Variants in DENND5A observed in about 807,000 individuals in gnomAD.
The protein encoded by DENND5A is DENN domain containing 5A, also known as DENN domain-containing protein 5A.
DENND5A carries 64 observed loss-of-function variants against 140.3 expected under a neutral mutation model. The observed-to-expected ratio is 0.46, with a 90% CI of 0.37 to 0.56. The LOEUF is 0.56. DENND5A is among the 20% of genes least tolerant of loss of function. The pLI is 0.00. For missense variants in DENND5A, 1,292 were observed against 1,593.8 expected (o/e 0.81, Z 3.22); for synonymous variants, 605 against 607.7 (o/e 1.00, Z 0.07).
At chr11:9,253,668 C>A (rs1367873742) in intron 1 of DENND5A, among the ~76,000 whole-genome samples, 1 of 151,978 alleles carries the variant, frequency 6.6e-6, no homozygotes, top group Non-Finnish European at 1.5e-5. Flanking sequence ...TTTGGGAGGC[C>A]GAGGTGGGCA....
chr11:9,221,806 G>A (rs1199394409), intron 1 of DENND5A, among the ~76,000 whole-genome samples: 10 of 151,998 alleles, frequency 6.6e-5, no homozygotes, highest in Admixed American at 1.3e-4. Flanking sequence ...CACCCAGGCC[G>A]GAGTACAGTG....
chr11:9,200,851 C>T (rs966429309), intron 4 of DENND5A, among the ~76,000 whole-genome samples: 1 of 152,178 alleles, frequency 6.6e-6, no homozygotes, highest in Non-Finnish European at 1.5e-5. Flanking sequence ...CCAGAGTGAT[C>T]CTGTTAAAAG....
intron 5 of DENND5A, among the ~76,000 whole-genome samples, chr11:9,190,783 A>G (rs766855485): frequency 1.3e-5 from 2 of 152,176 alleles, no homozygotes; most frequent in African/African-American, 2.4e-5. Flanking sequence ...AGGTAATTTT[A>G]ATTTTATTGT....
chr11:9,165,511 C>T (rs1848160058), intron 11 of DENND5A, among the ~76,000 whole-genome samples: 1 of 152,016 alleles, frequency 6.6e-6, no homozygotes, highest in Non-Finnish European at 1.5e-5. Context: ...GCCATCATAG[C>T]TCACTGTAGC....
rs1850503523 is a variant in DENND5A at position 9,225,716 on chromosome 11, C to T, written c.110-18084G>A. ...GGTGGAAGTTACAGTGAACCAAGATCACGCCACTCTACTCCAGCCTGGGCA... is the reference window on the plus strand; with the variant it reads ...GGTGGAAGTTACAGTGAACCAAGATTACGCCACTCTACTCCAGCCTGGGCA... On this transcript the variant is annotated intron_variant, in intron 1 of 22. Coordinates refer to ENST00000328194, the MANE Select transcript of DENND5A (RefSeq NM_015213.4). Among the ~76,000 whole-genome samples, 4 of 152,132 alleles carry T rather than the reference C, an allele frequency of 2.6e-5. No homozygotes were observed. The South Asian group carries it at 8.3e-4, about 32-fold the overall frequency.
chr11:9,221,546 A>G (rs1457757475), intron 1 of DENND5A, among the ~76,000 whole-genome samples: 1 of 151,898 alleles, frequency 6.6e-6, no homozygotes, highest in East Asian at 1.9e-4. Context: ...TTGTATTTTT[A>G]GTAGAGATGG....
chr11:9,177,884 C>T (rs1848598097), intron 8 of DENND5A: 2 of 406,190 alleles, frequency 4.9e-6, no homozygotes, highest in Non-Finnish European at 8.8e-6. Context: ...AAAAAGAACC[C>T]CCTATTTGTT....
At chr11:9,166,959 G>C (rs933360777) in intron 10 of DENND5A, among the ~76,000 whole-genome samples, 3 of 151,948 alleles carry the variant, frequency 2.0e-5, no homozygotes, top group African/African-American at 7.3e-5. Context: ...CCCCCACCAA[G>C]CTGAGAAGAA....
chr11:9,180,113 GT>G (rs1304313719), intron 6 of DENND5A, among the ~76,000 whole-genome samples: 3 of 152,072 alleles, frequency 2.0e-5, no homozygotes, highest in Non-Finnish European at 4.4e-5. Context: ...TATAAAACCT[GT>G]TCTATCTGCC....
rs564455776 is a variant in DENND5A at position 9,154,056 on chromosome 11, T to A, written c.2437-1614A>T. Among the ~76,000 whole-genome samples, 6 of 152,342 alleles carry A rather than the reference T, an allele frequency of 3.9e-5. No individual in the cohort carries two copies. In the East Asian group the frequency reaches 1.2e-3, roughly 29 times the overall value. On this transcript the variant is annotated intron_variant, in intron 12 of 22. Coordinates refer to ENST00000328194, the MANE Select transcript of DENND5A (RefSeq NM_015213.4). Reference sequence around the variant, plus strand: ...AATAAAATAATATAAAGGTGGTATGTTTGTTTTAGTAAGATTACAATAATT... The same window carrying A: ...AATAAAATAATATAAAGGTGGTATGATTGTTTTAGTAAGATTACAATAATT...
intron 4 of DENND5A, among the ~76,000 whole-genome samples, chr11:9,195,897 C>CA (rs929610303): frequency 1.7e-3 from 240 of 145,428 alleles, no homozygotes; most frequent in African/African-American, 4.7e-3. Flanking sequence ...TCTCAAAAAA[C>CA]AAAAAAAAAA....
At chr11:9,160,663 G>A in intron 12 of DENND5A, 50 bp downstream of exon 12, 2 of 1,555,948 alleles carry the variant, frequency 1.3e-6, no homozygotes, top group African/African-American at 1.3e-5. Context: ...GCTAGTAACT[G>A]AAAACAGGAA....
intron 5 of DENND5A, among the ~76,000 whole-genome samples, chr11:9,182,707 T>C (rs868540562): frequency 3.3e-5 from 5 of 152,132 alleles, no homozygotes; most frequent in Middle Eastern, 3.2e-3. Flanking sequence ...GAGCTAAATA[T>C]GTTGATCTCA....
intron 5 of DENND5A, among the ~76,000 whole-genome samples, chr11:9,187,665 G>A (rs989657049): frequency 6.6e-6 from 1 of 152,076 alleles, no homozygotes; most frequent in East Asian, 1.9e-4. Context: ...GAAAAAAATG[G>A]TACCCCTTTC....
intron 1 of DENND5A, among the ~76,000 whole-genome samples, chr11:9,258,751 A>T (rs1177834732): frequency 2.6e-5 from 4 of 152,162 alleles, no homozygotes; most frequent in Non-Finnish European, 5.9e-5. Context: ...CAAGGGAGAC[A>T]AATATTCTCC....
intron 3 of DENND5A, among the ~76,000 whole-genome samples, chr11:9,204,679 A>G (rs1008183778): frequency 1.3e-5 from 2 of 152,186 alleles, no homozygotes; most frequent in African/African-American, 2.4e-5. Flanking sequence ...CCTGGGCAAC[A>G]TGGCGAAACC....
rs574962981 is a variant in DENND5A, at chr11:9,170,328, C to T, written c.2057+299G>A. ...TATTTCAACTGCCATTTATTAAATA[C>T]AATGCTAGCTTGCTGTTGAATGGGA... On this transcript the variant is annotated intron_variant, in intron 9 of 22. Coordinates refer to ENST00000328194, the MANE Select transcript of DENND5A (RefSeq NM_015213.4). 8 of 974,974 alleles carry T rather than the reference C, an allele frequency of 8.2e-6. No homozygotes were observed. In the African/African-American group the frequency reaches 1.4e-4, roughly 17 times the overall value. The allele number at this position is 974,974 out of a possible 1,614,324, so 60.4% of individuals were successfully genotyped here. A position where few individuals can be genotyped will look rare whatever the true frequency, so the allele number is the denominator to read the frequency against.
At chr11:9,144,795 A>G (rs1847368951) in intron 18 of DENND5A, among the ~76,000 whole-genome samples, 200 bp downstream of exon 18, 1 of 151,916 alleles carries the variant, frequency 6.6e-6, no homozygotes, top group South Asian at 2.1e-4. Flanking sequence ...TCTCAAAAAA[A>G]AAAAAAAGAA....
chr11:9,263,848 CAAAAAAAAAAAAA>C (rs57967676), intron 1 of DENND5A, among the ~76,000 whole-genome samples: 7 of 65,070 alleles, frequency 1.1e-4, no homozygotes, highest in African/African-American at 1.9e-4. Flanking sequence ...GACTCCGTCT[CAAAAAAAAAAAAA>C]AAAAAAAAAA....
Sources: gnomAD v4.1 joint callset for allele counts (sites outside exome capture counted in the v4.1 genomes callset) on GRCh38, gnomAD v4.1.1 for gene constraint, MANE v1.5 for transcripts, NCBI Gene and HGNC (gene_info 2026-07-23, HGNC 2026-07-21) for gene names.